THSD4: variants seen among roughly 807,000 people sequenced by gnomAD.
THSD4 encodes the protein thrombospondin type-1 domain-containing protein 4.
Under a neutral mutation model 119.0 loss-of-function variants are expected in THSD4, and 69 were observed. The ratio of observed to expected loss-of-function variants is 0.58; its 90% CI spans 0.48 to 0.71. The LOEUF is 0.71. Among genes scored for constraint, THSD4 ranks in the 30% least tolerant of loss-of-function variants. The probability of loss-of-function intolerance (pLI) is 0.00; values close to 1 mark genes in which losing one functional copy is unlikely to be tolerated. For synonymous variants in THSD4, 524 were observed against 540.4 expected (o/e 0.97, Z 0.42); for missense variants, 1,393 against 1,391.1 (o/e 1.00, Z -0.02).
At chr15:71,385,501 T>C (rs2046283813) in intron 6 of THSD4, among the ~76,000 whole-genome samples, 2 of 152,126 alleles carry the variant, frequency 1.3e-5, no homozygotes, top group South Asian at 2.1e-4. Flanking sequence ...ACTGGACACT[T>C]ATGGACACAA....
rs1037947186 is a variant in THSD4, at chr15:71,527,199, C to T, written c.1152+115376C>T. On this transcript the variant is annotated intron_variant, in intron 7 of 17. Coordinates refer to ENST00000261862, the MANE Select transcript of THSD4 (RefSeq NM_024817.3). ...GTAGAGACGGGGCCCTCACCAGACA[C>T]CAAAGCTGCTGGAGCCTTGATCTTG... Among the ~76,000 whole-genome samples, 8 of 152,172 alleles carry T rather than the reference C, an allele frequency of 5.3e-5. No individual in the cohort carries two copies. In the South Asian group the frequency reaches 1.2e-3, roughly 24 times the overall value.
chr15:71,710,428 C>T (rs2052486401), intron 8 of THSD4, among the ~76,000 whole-genome samples: 1 of 152,168 alleles, frequency 6.6e-6, no homozygotes, highest in Admixed American at 6.5e-5. Context: ...AGTAGCAAAT[C>T]CCAAATGGAG....
chr15:71,744,785 T>C (rs1476686935), intron 11 of THSD4, among the ~76,000 whole-genome samples: 1 of 152,222 alleles, frequency 6.6e-6, no homozygotes, highest in Non-Finnish European at 1.5e-5. Flanking sequence ...CTAGGGAATC[T>C]CTCTTTTGTT....
At chr15:71,595,299 AG>A (rs2049886864) in intron 7 of THSD4, among the ~76,000 whole-genome samples, 2 of 152,192 alleles carry the variant, frequency 1.3e-5, no homozygotes, top group African/African-American at 4.8e-5. Flanking sequence ...TGTATCTCCC[AG>A]AATTCCCATG....
In THSD4 at chr15:71,377,867, A is replaced by AAC. The variant is rs376497737; in HGVS notation, c.1016-33774_1016-33773dup. On this transcript the variant is annotated intron_variant, in intron 6 of 17. Coordinates refer to ENST00000261862, the MANE Select transcript of THSD4 (RefSeq NM_024817.3). ...CTTCTCTATTCCCGGACATATCCAC[A>AAC]ACACACACACACACACACACACACA... is the stretch of plus-strand genomic sequence containing the variant. Among the ~76,000 whole-genome samples the AAC allele has an allele frequency of 9.7e-3, 841 of 86,312 alleles. 19 individuals carry two copies. The highest frequency in any genetic ancestry group is 0.029 in the African/African-American group (676 of 23,158). The allele number at this position is 86,312 out of a possible 152,430, so 56.6% of individuals were successfully genotyped here. A position where few individuals can be genotyped will look rare whatever the true frequency, so the allele number is the denominator to read the frequency against.
Position 71,201,013 on chromosome 15 carries a change from G to A in THSD4, c.100-14022G>A, listed in dbSNP as rs367834937. ...ATACTGAGTTCACAGTAAGACTTAC[G>A]CTGTGAATCAAATGCCTGGAAACAC... On this transcript the variant is annotated intron_variant, in intron 3 of 17. Transcript: ENST00000261862. Among the ~76,000 whole-genome samples the A allele has an allele frequency of 8.6e-4, 131 of 152,208 alleles. 1 individual carries two copies. In the South Asian group the frequency reaches 0.022, roughly 25 times the overall value.
chr15:71,289,101 A>G (rs2044757832), intron 6 of THSD4, among the ~76,000 whole-genome samples: 2 of 152,154 alleles, frequency 1.3e-5, no homozygotes, highest in Admixed American at 6.5e-5. Context: ...TCTTGACTGT[A>G]ATCAACTCAG....
At position 71,677,394 on chromosome 15, in the gene THSD4, A is replaced by T. The variant is rs374500820; in HGVS notation, c.1357+16660A>T. Among the ~76,000 whole-genome samples the T allele has an allele frequency of 3.4e-4, 52 of 152,312 alleles. No homozygotes were observed. The East Asian group carries it at 4.8e-3, about 14-fold the overall frequency. ...CTTTTATGACTCTTGTCCAGAACCA[A>T]ATATTCACAAAACAAAGATTCCATG... On this transcript the variant is annotated intron_variant, in intron 8 of 17. Transcript: ENST00000261862.
chr15:71,706,188 G>A (rs572641342), intron 8 of THSD4, among the ~76,000 whole-genome samples: 1 of 152,312 alleles, frequency 6.6e-6, no homozygotes, highest in South Asian at 2.1e-4. Context: ...AACCTGGGGT[G>A]TGGAAGTTTT....
intron 3 of THSD4, among the ~76,000 whole-genome samples, chr15:71,196,359 C>G (rs1021286466): frequency 1.5e-4 from 23 of 152,190 alleles, no homozygotes; most frequent in African/African-American, 5.6e-4. Flanking sequence ...CTCAGGACTG[C>G]TTGCTTTCAA....
chr15:71,761,530 T>C (rs2053627901), intron 15 of THSD4, among the ~76,000 whole-genome samples: 4 of 152,328 alleles, frequency 2.6e-5, no homozygotes, highest in Admixed American at 6.5e-5. Context: ...TACCATAAAA[T>C]TTACCCTTTA....
At chr15:71,700,958 TGTG>T (rs2052277442) in intron 8 of THSD4, among the ~76,000 whole-genome samples, 2 of 152,084 alleles carry the variant, frequency 1.3e-5, no homozygotes, top group African/African-American at 4.8e-5. Flanking sequence ...TTTTAAATTT[TGTG>T]GTGAGGAGAG....
At chr15:71,616,495 C>A (rs2050320816) in intron 7 of THSD4, among the ~76,000 whole-genome samples, 1 of 152,138 alleles carries the variant, frequency 6.6e-6, no homozygotes, top group Non-Finnish European at 1.5e-5. Flanking sequence ...AAAGAGATGG[C>A]ATGATTTAAC....
rs548192263 is a variant in THSD4, at chr15:71,728,542, TCAA to T, written c.1358-4_1358-2del. 3.1e-4 allele frequency: 503 copies of T among 1,613,008 alleles called. 2 individuals carry two copies. The South Asian group carries it at 5.1e-3, about 16-fold the overall frequency. The stretch of plus-strand genomic sequence containing the variant: ...TACCCAAAGAACTGTCTGATTTTTC[TCAA>T]CAGCCCTGAGAAGTCGTTCTGGACG... On this transcript the variant is annotated splice_region_variant and splice_polypyrimidine_tract_variant and intron_variant, in intron 8 of 17. Coordinates refer to ENST00000261862, the MANE Select transcript of THSD4 (RefSeq NM_024817.3).
At chr15:71,130,941 TCAC>T (rs2040498300) in intron 1 of THSD4, among the ~76,000 whole-genome samples, 1 of 152,076 alleles carries the variant, frequency 6.6e-6, no homozygotes, top group South Asian at 2.1e-4. Context: ...AGACGGGGTT[TCAC>T]CGTGTTAGCC....
intron 6 of THSD4, among the ~76,000 whole-genome samples, chr15:71,271,815 G>A (rs2044533905): frequency 6.6e-6 from 1 of 152,074 alleles, no homozygotes; most frequent in African/African-American, 2.4e-5. Flanking sequence ...TCAAAAATGT[G>A]TAGTATCAAC....
intron 7 of THSD4, among the ~76,000 whole-genome samples, chr15:71,433,045 A>G (rs1185171276): frequency 1.3e-5 from 2 of 151,794 alleles, no homozygotes; most frequent in Non-Finnish European, 2.9e-5. Flanking sequence ...AAAGTAAGCA[A>G]CTTAATTGCT....
chr15:71,468,603 A>C (rs1473396534), intron 7 of THSD4, among the ~76,000 whole-genome samples: 1 of 152,218 alleles, frequency 6.6e-6, no homozygotes, highest in Non-Finnish European at 1.5e-5. Flanking sequence ...AATATAATAA[A>C]ACATTACTTT....
At chr15:71,675,963 C>T (rs1595854009) in intron 8 of THSD4, among the ~76,000 whole-genome samples, 1 of 152,192 alleles carries the variant, frequency 6.6e-6, no homozygotes, top group East Asian at 1.9e-4. Flanking sequence ...CCATCCCTGT[C>T]CCCACTGCTA....
Sources: allele counts gnomAD v4.1 joint callset (sites outside exome capture counted in the v4.1 genomes callset), GRCh38; gene constraint gnomAD v4.1.1; transcripts MANE v1.5; gene names NCBI Gene and HGNC (gene_info 2026-07-23, HGNC 2026-07-21).